Variants in NEMP1 observed in about 807,000 individuals in gnomAD.
The protein encoded by NEMP1 is transmembrane protein 194.
Under a neutral mutation model 53.7 loss-of-function variants are expected in NEMP1, and 29 were observed. The observed-to-expected ratio is 0.54, with a 90% CI of 0.40 to 0.74. NEMP1 has a LOEUF of 0.74. NEMP1 is among the 30% of genes least tolerant of loss of function. The pLI, the probability that NEMP1 is intolerant of heterozygous loss-of-function variation, is 0.00. For synonymous variants in NEMP1, 193 were observed against 192.9 expected (o/e 1.00, Z 0.00); for missense variants, 477 against 528.6 (o/e 0.90, Z 0.96).
chr12:57,084,143 A>G (rs2032926674), intron 1 of NEMP1, among the ~76,000 whole-genome samples: 1 of 152,134 alleles, frequency 6.6e-6, no homozygotes, highest in Admixed American at 6.5e-5. Context: ...TTGTATTTTT[A>G]GTAGAGACGG....
chr12:57,065,973 G>T (rs966465922), intron 4 of NEMP1, among the ~76,000 whole-genome samples: 2 of 152,016 alleles, frequency 1.3e-5, no homozygotes, highest in Admixed American at 6.6e-5. Context: ...AGTTGTATCT[G>T]GCCGGGCATG....
chr12:57,086,089 G>C (rs543539329), intron 1 of NEMP1, among the ~76,000 whole-genome samples: 4 of 152,334 alleles, frequency 2.6e-5, no homozygotes, highest in Non-Finnish European at 4.4e-5. Flanking sequence ...AAGGGGTCCA[G>C]GAAGGAGAGG....
chr12:57,058,058 G>T lies in NEMP1; in HGVS notation c.*1821C>A, dbSNP rs2031613739. ...TGTACATAATTCACAAGGGTATAAA[G>T]GTTTCCCAATGTAAAGTTCCTTTTA... On this transcript the variant is annotated 3_prime_UTR_variant, in exon 9 of 9. Transcript: ENST00000300128. The T allele has an allele frequency of 6.6e-6, 1 of 152,180 alleles. No individual in the cohort carries two copies. Among genetic ancestry groups the T allele is most frequent in the Admixed American group, 6.5e-5 (1 of 15,282 alleles). 9.4% of individuals were successfully genotyped at this position (152,180 alleles called of 1,614,324 possible). A position where few individuals can be genotyped will look rare whatever the true frequency, so the allele number is the denominator to read the frequency against.
intron 1 of NEMP1, among the ~76,000 whole-genome samples, chr12:57,075,242 G>A (rs1285227860): frequency 6.6e-6 from 1 of 151,564 alleles, no homozygotes; most frequent in Non-Finnish European, 1.5e-5. Flanking sequence ...AAAAAAATTA[G>A]CTGGGTACGG....
Position 57,057,546 on chromosome 12 carries a change from C to T in NEMP1, c.*2333G>A, listed in dbSNP as rs1174201171. The T allele has an allele frequency of 6.6e-6, 1 of 152,608 alleles. No homozygotes were observed. The highest frequency in any genetic ancestry group is 1.5e-5 in the Non-Finnish European group (1 of 68,312). The allele number at this position is 152,608 out of a possible 1,614,324, so 9.5% of individuals were successfully genotyped here. A position where few individuals can be genotyped will look rare whatever the true frequency, so the allele number is the denominator to read the frequency against. ...GCCACAGGCAGGCAGGGCAAGGACA[C>T]ACAGCACACCAGAGCAGCACCGTCC... On this transcript the variant is annotated 3_prime_UTR_variant, in exon 9 of 9. Coordinates refer to ENST00000300128, the MANE Select transcript of NEMP1 (RefSeq NM_001130963.2).
chr12:57,064,986 G>A (rs1442636332), intron 4 of NEMP1, among the ~76,000 whole-genome samples: 1 of 152,128 alleles, frequency 6.6e-6, no homozygotes, highest in Non-Finnish European at 1.5e-5. Flanking sequence ...CTATATTATA[G>A]TATATTAAGT....
At chr12:57,071,734 T>A (rs184390346) in intron 2 of NEMP1, among the ~76,000 whole-genome samples, 1 of 151,688 alleles carries the variant, frequency 6.6e-6, no homozygotes, top group East Asian at 1.9e-4. Flanking sequence ...TGGCTGGGCA[T>A]GGCCCCCAGC....
At position 57,059,137 on chromosome 12, in the gene NEMP1, C is replaced by CA. The variant is rs2031670969; in HGVS notation, c.*741dup. ...ATATAATAAAAAGCCCAGTACATCTCACCTGCAGAAGAGCCTACAGGCATG... is the reference window on the plus strand; with the variant it reads ...ATATAATAAAAAGCCCAGTACATCTCAACCTGCAGAAGAGCCTACAGGCATG... On this transcript the variant is annotated 3_prime_UTR_variant, in exon 9 of 9. Transcript: ENST00000300128. The CA allele has an allele frequency of 6.6e-6, 1 of 152,166 alleles. No individual in the cohort carries two copies. The highest frequency in any genetic ancestry group is 1.5e-5 in the Non-Finnish European group (1 of 68,028). The allele number at this position is 152,166 out of a possible 1,614,324, so 9.4% of individuals were successfully genotyped here.
intron 5 of NEMP1, 29 bp from the exon 6 acceptor site, chr12:57,064,214 A>G (rs1365532077): frequency 6.9e-7 from 1 of 1,450,144 alleles, no homozygotes; most frequent in African/African-American, 1.4e-5. Context: ...GTGAAAGCAA[A>G]AAGTTACAAC....
At chr12:57,063,973 A>C (rs566036732) in intron 6 of NEMP1, 98 bp downstream of exon 6, 6 of 654,702 alleles carry the variant, frequency 9.2e-6, no homozygotes, top group African/African-American at 7.7e-5. Context: ...AATGACATGA[A>C]CTATTAAATC....
Position 57,063,244 on chromosome 12 carries a change from C to CT in NEMP1, c.854dup (p.Leu286AlafsTer28). The CT allele has an allele frequency of 6.2e-7, 1 of 1,614,196 alleles. No homozygotes were observed. Among genetic ancestry groups the CT allele is most frequent in the African/African-American group, 1.3e-5 (1 of 75,046 alleles). On this transcript the variant is annotated frameshift_variant, in exon 7 of 9. Coordinates refer to ENST00000300128, the MANE Select transcript of NEMP1 (RefSeq NM_001130963.2). LOFTEE classifies it high-confidence loss of function. ...AATACATGAAACACAGGCCCATCAG[C>CT]TGCAAGGTCCAGGTCAGCAGGTTGA...
At chr12:57,068,804 G>A (rs2032213697) in intron 4 of NEMP1, among the ~76,000 whole-genome samples, 1 of 152,146 alleles carries the variant, frequency 6.6e-6, no homozygotes, top group African/African-American at 2.4e-5. Context: ...CTGACCTCAT[G>A]ATCCGCCAGC....
chr12:57,061,279 G>A (rs190211658), intron 7 of NEMP1, among the ~76,000 whole-genome samples: 105 of 152,222 alleles, frequency 6.9e-4, no homozygotes, highest in African/African-American at 2.4e-3. Context: ...CCTATAGAAA[G>A]TAAAAAATTA....
chr12:57,074,891 C>A (rs989746913), intron 1 of NEMP1, among the ~76,000 whole-genome samples: 1 of 151,564 alleles, frequency 6.6e-6, no homozygotes, highest in African/African-American at 2.4e-5. Flanking sequence ...AGTTCAAAAC[C>A]AGCCTGGCCA....
chr12:57,073,685 T>C (rs763062361), intron 1 of NEMP1, among the ~76,000 whole-genome samples: 7 of 152,168 alleles, frequency 4.6e-5, no homozygotes, highest in Non-Finnish European at 1.0e-4. Flanking sequence ...AGAGACAGTA[T>C]GCTGTCTCAT....
In NEMP1 at chr12:57,087,159, C is replaced by T. The variant is rs2033022003; in HGVS notation, n.113+792G>A. ...GAGAGCTCAAAATCGGCTCCTCCCT[C>T]CCCCTCTTTCCCGGATCAGGACCGG... On this transcript the variant is annotated intron_variant and non_coding_transcript_variant, in intron 1 of 2. Transcript: ENST00000553654. 2.0e-5 allele frequency among the ~76,000 whole-genome samples: 3 copies of T among 152,240 alleles called. 1 individual carries two copies. The highest frequency in any genetic ancestry group is 2.0e-4 in the Admixed American group (3 of 15,294).
chr12:57,085,836 A>C (rs2032974800), intron 1 of NEMP1, among the ~76,000 whole-genome samples: 1 of 152,236 alleles, frequency 6.6e-6, no homozygotes, highest in Non-Finnish European at 1.5e-5. Context: ...GTCTTCACTT[A>C]AACAGTTTTG....
intron 2 of NEMP1, among the ~76,000 whole-genome samples, chr12:57,072,441 A>G (rs2032397723): frequency 1.3e-5 from 2 of 152,192 alleles, no homozygotes; most frequent in East Asian, 3.8e-4. Flanking sequence ...CTCTGCCTCA[A>G]AAAATAAAAA....
At chr12:57,083,244 A>G (rs1361239409), upstream of NEMP1, among the ~76,000 whole-genome samples, 2 of 152,200 alleles carry the variant, frequency 1.3e-5, no homozygotes, top group African/African-American at 4.8e-5. Context: ...TATATAAATG[A>G]AGTGTATGGT....
Sources: allele counts gnomAD v4.1 joint callset (sites outside exome capture counted in the v4.1 genomes callset), GRCh38; gene constraint gnomAD v4.1.1; transcripts MANE v1.5; gene names NCBI Gene and HGNC (gene_info 2026-07-23, HGNC 2026-07-21).